OR9Q1: variants seen among roughly 807,000 people sequenced by gnomAD.
OR9Q1 encodes the protein olfactory receptor family 9 subfamily Q member 1.
For synonymous variants in OR9Q1, 153 were observed against 148.6 expected (o/e 1.03, Z -0.22); for missense variants, 374 against 378.8 (o/e 0.99, Z 0.11).
At position 58,086,627 on chromosome 11, in the gene OR9Q1, T is replaced by C. The variant is rs528072795; in HGVS notation, c.-15+30680T>C. Among the ~76,000 whole-genome samples the C allele has an allele frequency of 9.9e-4, 151 of 151,790 alleles. No individual in the cohort carries two copies. The South Asian group carries it at 0.017, about 17-fold the overall frequency. ...ACCTAAGTGTCCATCATCAAATAAA[T>C]GGATACAGAAAATATGGTACATATA... On this transcript the variant is annotated intron_variant, in intron 2 of 2. Transcript: ENST00000335397.
chr11:58,109,534 C>T (rs1323119851), intron 2 of OR9Q1: 1 of 458,154 alleles, frequency 2.2e-6, no homozygotes, highest in Non-Finnish European at 4.4e-6. Context: ...GATCATCCCC[C>T]CATTCCCCAG....
intron 2 of OR9Q1, among the ~76,000 whole-genome samples, chr11:58,107,156 A>T (rs568854241): frequency 2.0e-5 from 3 of 151,740 alleles, no homozygotes; most frequent in African/African-American, 7.3e-5. Context: ...GTACATGTGC[A>T]GAATGTGCAG....
intron 2 of OR9Q1, among the ~76,000 whole-genome samples, chr11:58,083,112 G>C (rs578073464): frequency 1.3e-5 from 2 of 152,002 alleles, no homozygotes; most frequent in Non-Finnish European, 2.9e-5. Context: ...GAATGGTATC[G>C]CCTAGGTTTT....
At chr11:58,120,141 G>A (rs1456311490) in intron 2 of OR9Q1, among the ~76,000 whole-genome samples, 1 of 152,102 alleles carries the variant, frequency 6.6e-6, no homozygotes, top group Non-Finnish European at 1.5e-5. Context: ...CAGCTCAGGG[G>A]CCATCATCTT....
intron 2 of OR9Q1, among the ~76,000 whole-genome samples, chr11:58,109,872 T>A (rs533300024): frequency 2.6e-5 from 4 of 152,324 alleles, no homozygotes; most frequent in African/African-American, 9.6e-5. Context: ...TGGACCTTGG[T>A]GCAGTTTTTC....
At chr11:58,179,397 C>A (rs1398815333) in intron 2 of OR9Q1, 34 bp from the exon 3 acceptor site, 1 of 1,293,408 alleles carries the variant, frequency 7.7e-7, no homozygotes. Context: ...CTATTTGCAC[C>A]TTCCTAACTT....
At chr11:58,102,646 A>T (rs1853795646) in intron 2 of OR9Q1, among the ~76,000 whole-genome samples, 1 of 151,840 alleles carries the variant, frequency 6.6e-6, no homozygotes, top group African/African-American at 2.4e-5. Context: ...CTGTTAGTGG[A>T]ACGGGGATTC....
chr11:58,066,532 A>G (rs930161048), intron 2 of OR9Q1, among the ~76,000 whole-genome samples: 1 of 152,114 alleles, frequency 6.6e-6, no homozygotes, highest in African/African-American at 2.4e-5. Flanking sequence ...TTTGCCTTAC[A>G]TGGTGATATC....
At chr11:58,131,507 ATATT>A (rs1473085564) in intron 2 of OR9Q1, among the ~76,000 whole-genome samples, 2 of 151,986 alleles carry the variant, frequency 1.3e-5, no homozygotes, top group Non-Finnish European at 2.9e-5. Flanking sequence ...GTCTTATATA[ATATT>A]TATAACATTA....
chr11:58,165,522 C>A lies in OR9Q1; in HGVS notation c.-14-13909C>A, dbSNP rs76860618. On this transcript the variant is annotated intron_variant, in intron 2 of 2. Coordinates refer to ENST00000335397, the MANE Select transcript of OR9Q1 (RefSeq NM_001005212.4). ...TGGCTAATTGTTTGCTCCTGCAGTA[C>A]CCTCTCTGCTGTTTTTTGGAAGCGC... is the stretch of plus-strand genomic sequence containing the variant. Among the ~76,000 whole-genome samples, 1,371 of 152,270 alleles carry A rather than the reference C, an allele frequency of 9.0e-3. 10 individuals carry two copies. Among genetic ancestry groups the A allele is most frequent in the Middle Eastern group, 0.031 (9 of 294 alleles).
chr11:58,142,388 G>A (rs1292588718), intron 2 of OR9Q1, among the ~76,000 whole-genome samples: 1 of 151,980 alleles, frequency 6.6e-6, no homozygotes, highest in East Asian at 1.9e-4. Context: ...CCTTTGGCCA[G>A]GATGATTTAC....
chr11:58,126,950 A>G (rs1382231579), intron 2 of OR9Q1, among the ~76,000 whole-genome samples: 2 of 151,928 alleles, frequency 1.3e-5, no homozygotes, highest in Non-Finnish European at 2.9e-5. Context: ...TAATATTGTT[A>G]TTGTTATTGT....
intron 1 of OR9Q1, chr11:58,031,930 C>A: frequency 7.1e-7 from 1 of 1,407,940 alleles, no homozygotes; most frequent in Non-Finnish European, 1.0e-6. Context: ...AACCCAGTTT[C>A]CTTGCCTTGG....
At chr11:58,146,209 C>G (rs1854297572) in intron 2 of OR9Q1, among the ~76,000 whole-genome samples, 1 of 152,214 alleles carries the variant, frequency 6.6e-6, no homozygotes, top group Non-Finnish European at 1.5e-5. Context: ...CATGGACCAT[C>G]TGCCTCAATT....
At chr11:58,032,075 GA>G in intron 1 of OR9Q1, 1 of 552,126 alleles carries the variant, frequency 1.8e-6, no homozygotes, top group South Asian at 2.6e-5. Flanking sequence ...TTTATAAGGG[GA>G]ACCACAAAAC....
chr11:58,115,280 G>A lies in OR9Q1; in HGVS notation c.-15+59333G>A, dbSNP rs527501675. On this transcript the variant is annotated intron_variant, in intron 2 of 2. Coordinates refer to ENST00000335397, the MANE Select transcript of OR9Q1 (RefSeq NM_001005212.4). ...CTAATTTACTTGCAATAACAAAAAT[G>A]TTATTTATTGTGAGACTTTGGGTAA... Among the ~76,000 whole-genome samples, 3 of 152,228 alleles carry A rather than the reference G, an allele frequency of 2.0e-5. No homozygotes were observed. The South Asian group carries it at 6.2e-4, about 32-fold the overall frequency.
At chr11:58,151,220 A>G (rs2441987) in intron 2 of OR9Q1, among the ~76,000 whole-genome samples, 54,917 of 152,026 alleles carry the variant, frequency 0.36, 10,168 homozygotes, top group Admixed American at 0.44. Context: ...AGGAGATGTC[A>G]TATAAAAAGT....
intron 2 of OR9Q1, chr11:58,072,737 G>C (rs905428946): frequency 6.4e-6 from 1 of 155,270 alleles, no homozygotes; most frequent in African/African-American, 2.4e-5. Context: ...ATAACTCAAG[G>C]AAACAGGAAT....
Position 58,119,282 on chromosome 11 carries a change from G to A in OR9Q1, c.-14-60149G>A, listed in dbSNP as rs760347406. ...AGGAAGAAGTACATTGGGGTGTAGAGTTTGACATCTACTTGGATTAACATA... is the reference window on the plus strand; with the variant it reads ...AGGAAGAAGTACATTGGGGTGTAGAATTTGACATCTACTTGGATTAACATA... On this transcript the variant is annotated intron_variant, in intron 2 of 2. Transcript: ENST00000335397. 2.5e-6 allele frequency: 4 copies of A among 1,613,838 alleles called. No homozygotes were observed. In the East Asian group the frequency reaches 8.9e-5, roughly 36 times the overall value.
Sources: gnomAD v4.1 joint callset for allele counts (sites outside exome capture counted in the v4.1 genomes callset) on GRCh38, gnomAD v4.1.1 for gene constraint, MANE v1.5 for transcripts, NCBI Gene and HGNC (gene_info 2026-07-23, HGNC 2026-07-21) for gene names.